Variants in PCDH15 observed in about 807,000 individuals in gnomAD.
The protein encoded by PCDH15 is protocadherin-15.
A neutral mutation model predicts 178.5 loss-of-function variants in PCDH15; 129 were observed. The ratio of observed to expected loss-of-function variants is 0.72; its 90% confidence interval spans 0.63 to 0.84. The LOEUF is 0.84. Ranked by LOEUF, PCDH15 falls within the 40% of genes least tolerant of loss-of-function variation. The pLI is 0.00. For synonymous variants in PCDH15, 800 were observed against 732.0 expected (o/e 1.09, Z -1.50); for missense variants, 2,230 against 2,099.9 (o/e 1.06, Z -1.21).
At chr10:54,307,898 A>T (rs1479747315) in intron 8 of PCDH15, among the ~76,000 whole-genome samples, 3 of 151,988 alleles carry the variant, frequency 2.0e-5, no homozygotes, top group Non-Finnish European at 1.5e-5. Context: ...GCAGACGAAA[A>T]ATTTCCATTG....
intron 3 of PCDH15, among the ~76,000 whole-genome samples, chr10:54,479,306 T>C (rs2078523075): frequency 6.6e-6 from 1 of 152,020 alleles, no homozygotes; most frequent in Non-Finnish European, 1.5e-5. Flanking sequence ...ATTAGTCCTT[T>C]AGTGATGCTG....
chr10:54,462,602 C>T (rs1589540074), intron 3 of PCDH15, among the ~76,000 whole-genome samples: 1 of 140,746 alleles, frequency 7.1e-6, no homozygotes, highest in Non-Finnish European at 1.5e-5. Context: ...GCAAACTCTG[C>T]CTCCCAGGTT....
intron 3 of PCDH15, among the ~76,000 whole-genome samples, chr10:54,431,723 G>A (rs768341640): frequency 6.6e-6 from 1 of 152,038 alleles, no homozygotes; most frequent in Non-Finnish European, 1.5e-5. Flanking sequence ...TTTCATTACT[G>A]TTGTTTAACA....
rs1387143758 is a variant in PCDH15 at position 54,096,250 on chromosome 10, C to A, written c.1918-6187G>T. Reference sequence around the variant, plus strand: ...CCAACACCAAGTTCTTCTTAAGAACCCTAATTTCCCAGTATCCCTTTTGAT... The same window carrying A: ...CCAACACCAAGTTCTTCTTAAGAACACTAATTTCCCAGTATCCCTTTTGAT... On this transcript the variant is annotated intron_variant, in intron 15 of 37. Coordinates refer to ENST00000644397, the MANE Select transcript of PCDH15 (RefSeq NM_001384140.1). 3.3e-5 allele frequency among the ~76,000 whole-genome samples: 5 copies of A among 151,704 alleles called. No homozygotes were observed. The East Asian group carries it at 5.9e-4, about 18-fold the overall frequency.
At chr10:54,898,776 A>G (rs920001856) in intron 2 of PCDH15, among the ~76,000 whole-genome samples, 7 of 152,300 alleles carry the variant, frequency 4.6e-5, no homozygotes, top group African/African-American at 1.4e-4. Flanking sequence ...TATAGATAAC[A>G]TGTAGCATGA....
chr10:55,211,025 A>G (rs1177688488), intron 1 of PCDH15, among the ~76,000 whole-genome samples: 1 of 151,988 alleles, frequency 6.6e-6, no homozygotes, highest in Non-Finnish European at 1.5e-5. Flanking sequence ...ATCAGAACAT[A>G]TTGATGTTTT....
rs151212504 is a variant in PCDH15 at position 54,228,757 on chromosome 10, T to C, written c.985+8066A>G. On this transcript the variant is annotated intron_variant, in intron 9 of 37. Transcript: ENST00000644397. ...TTCAGGCCCTCAATGGACTGGATGA[T>C]ACCTGCCCATATTGGTAAGAGCAGA... Among the ~76,000 whole-genome samples, 220 of 152,310 alleles carry C rather than the reference T, an allele frequency of 1.4e-3. 1 individual carries two copies. Among genetic ancestry groups the C allele is most frequent in the African/African-American group, 4.9e-3 (204 of 41,566 alleles).
At position 53,804,752 on chromosome 10, in the gene PCDH15, A is replaced by G. The variant is rs748464147; in HGVS notation, c.*1827T>C. ...ATTCCTATACAAAGTATCCTATACT[A>G]AAAACCATTGCTTTGGTGCCTGAAG... On this transcript the variant is annotated 3_prime_UTR_variant, in exon 38 of 38. Transcript: ENST00000644397. 4 of 152,014 alleles carry G rather than the reference A, an allele frequency of 2.6e-5. No homozygotes were observed. The highest frequency in any genetic ancestry group is 4.8e-5 in the African/African-American group (2 of 41,426). 9.4% of individuals were successfully genotyped at this position (152,014 alleles called of 1,614,324 possible).
At chr10:53,995,468 A>G in intron 21 of PCDH15, 181 bp downstream of exon 21, 1 of 1,087,334 alleles carries the variant, frequency 9.2e-7, no homozygotes, top group Non-Finnish European at 1.3e-6. Flanking sequence ...TAGGTTCAAT[A>G]ATAGTCATCT....
At chr10:55,195,308 C>A (rs1262623550) in intron 1 of PCDH15, among the ~76,000 whole-genome samples, 1 of 151,658 alleles carries the variant, frequency 6.6e-6, no homozygotes, top group Non-Finnish European at 1.5e-5. Flanking sequence ...CAGGCATGAG[C>A]CACTGCGCCC....
At chr10:54,761,475 A>T (rs1947865542) in intron 1 of PCDH15, among the ~76,000 whole-genome samples, 1 of 152,068 alleles carries the variant, frequency 6.6e-6, no homozygotes, top group Non-Finnish European at 1.5e-5. Context: ...TGAGGTCAGG[A>T]GTTTGAGACC....
chr10:54,441,719 TC>T (rs2136160836), intron 3 of PCDH15, among the ~76,000 whole-genome samples: 1 of 152,010 alleles, frequency 6.6e-6, no homozygotes, highest in South Asian at 2.1e-4. Context: ...AATCTTGTCT[TC>T]TTAACGTGTA....
chr10:54,639,544 T>G (rs1340028741), intron 2 of PCDH15, among the ~76,000 whole-genome samples: 1 of 152,270 alleles, frequency 6.6e-6, no homozygotes, highest in Non-Finnish European at 1.5e-5. Context: ...GTTATTTTAA[T>G]AAATTAAATA....
intron 10 of PCDH15, among the ~76,000 whole-genome samples, chr10:54,202,774 T>C (rs1377423660): frequency 7.5e-6 from 1 of 134,214 alleles, no homozygotes; most frequent in Non-Finnish European, 1.5e-5. Flanking sequence ...ATTGCGCCAC[T>C]ACATTCCAGC....
intron 1 of PCDH15, among the ~76,000 whole-genome samples, chr10:55,251,107 A>G (rs986491401): frequency 6.6e-6 from 1 of 152,114 alleles, no homozygotes; most frequent in African/African-American, 2.4e-5. Context: ...ATAGTACAAT[A>G]TCCAAGATAT....
intron 2 of PCDH15, among the ~76,000 whole-genome samples, chr10:55,142,582 G>GT (rs1033774341): frequency 1.0e-4 from 6 of 57,978 alleles, no homozygotes; most frequent in African/African-American, 2.0e-4. Flanking sequence ...TGTATCTATA[G>GT]TTTTTTGCAT....
chr10:54,516,558 T>C (rs1165990492), intron 3 of PCDH15, among the ~76,000 whole-genome samples: 2 of 152,234 alleles, frequency 1.3e-5, no homozygotes, highest in Non-Finnish European at 2.9e-5. Flanking sequence ...TATGGGACTA[T>C]GTGAAAAGAC....
At chr10:55,467,966 C>CAAAAA (rs71463104) in intron 2 of PCDH15, among the ~76,000 whole-genome samples, 385 of 36,618 alleles carry the variant, frequency 0.011, 35 homozygotes, top group Non-Finnish European at 0.013. Flanking sequence ...GACTCCGTCT[C>CAAAAA]AAAAAAAAAA....
intron 3 of PCDH15, among the ~76,000 whole-genome samples, chr10:54,452,918 C>G (rs761853604): frequency 6.6e-6 from 1 of 152,116 alleles, no homozygotes; most frequent in Non-Finnish European, 1.5e-5. Flanking sequence ...TCATGTCCAC[C>G]TGGAACCTCA....
Sources: allele counts gnomAD v4.1 joint callset (sites outside exome capture counted in the v4.1 genomes callset), GRCh38; gene constraint gnomAD v4.1.1; transcripts MANE v1.5; gene names NCBI Gene and HGNC (gene_info 2026-07-23, HGNC 2026-07-21).